USP32: variants seen among roughly 807,000 people sequenced by gnomAD.
USP32 encodes the protein ubiquitin specific peptidase 32.
USP32 carries 59 observed loss-of-function variants against 204.8 expected under a neutral mutation model. That is an observed-to-expected ratio of 0.29 (90% CI 0.23 to 0.36). The LOEUF is 0.36. USP32 is among the 10% of genes least tolerant of loss of function. The probability of loss-of-function intolerance (pLI) is 1.00; values close to 1 mark genes in which losing one functional copy is unlikely to be tolerated. For synonymous variants in USP32, 517 were observed against 678.4 expected (o/e 0.76, Z 3.70); for missense variants, 1,160 against 1,946.4 (o/e 0.60, Z 7.60).
intron 5 of USP32, among the ~76,000 whole-genome samples, chr17:60,276,584 A>G (rs776411334): frequency 1.3e-5 from 2 of 152,186 alleles, no homozygotes; most frequent in Non-Finnish European, 1.5e-5. Context: ...TCTTATTTCT[A>G]TACTTCTCAG....
intron 2 of USP32, among the ~76,000 whole-genome samples, chr17:60,325,920 T>G (rs2088222850): frequency 6.7e-6 from 1 of 149,556 alleles, no homozygotes; most frequent in African/African-American, 2.5e-5. Context: ...TTGCAGTGAG[T>G]TGAGATTAAG....
intron 1 of USP32, among the ~76,000 whole-genome samples, chr17:60,381,612 G>A (rs4107651): frequency 3.3e-4 from 50 of 152,188 alleles, no homozygotes; most frequent in African/African-American, 1.1e-3. Context: ...GAAGTCAGTC[G>A]TTTCAGCATG....
intron 12 of USP32, among the ~76,000 whole-genome samples, chr17:60,235,145 A>C (rs2085688333): frequency 6.6e-6 from 1 of 152,240 alleles, no homozygotes; most frequent in South Asian, 2.1e-4. Flanking sequence ...AATACATCCA[A>C]GACAAAACTA....
chr17:60,197,644 TTTGA>T (rs2084557279), intron 27 of USP32, among the ~76,000 whole-genome samples: 1 of 152,122 alleles, frequency 6.6e-6, no homozygotes, highest in Admixed American at 6.5e-5. Context: ...TGATCTACAA[TTTGA>T]TTGAGATAAA....
intron 9 of USP32, among the ~76,000 whole-genome samples, chr17:60,264,205 G>A (rs1415640933): frequency 1.3e-5 from 2 of 151,840 alleles, no homozygotes; most frequent in Admixed American, 1.3e-4. Flanking sequence ...ACACAGGAGA[G>A]GTCCTTACCA....
intron 1 of USP32, among the ~76,000 whole-genome samples, chr17:60,350,037 G>A (rs1296618700): frequency 1.1e-4 from 17 of 150,452 alleles, no homozygotes; most frequent in African/African-American, 3.2e-4. Flanking sequence ...ATTTTGAGAC[G>A]GGATCTCACT....
At chr17:60,230,658 C>T (rs1314737139) in intron 12 of USP32, among the ~76,000 whole-genome samples, 1 of 152,188 alleles carries the variant, frequency 6.6e-6, no homozygotes, top group African/African-American at 2.4e-5. Context: ...TTTTCTATTA[C>T]AGGAACCTGA....
intron 12 of USP32, among the ~76,000 whole-genome samples, chr17:60,231,814 A>AT (rs1197312257): frequency 2.0e-5 from 3 of 152,194 alleles, no homozygotes; most frequent in African/African-American, 2.4e-5. Context: ...CCCCATTTAC[A>AT]TTTTTTTAGG....
chr17:60,292,350 A>G (rs2087301030), intron 4 of USP32, among the ~76,000 whole-genome samples: 1 of 152,026 alleles, frequency 6.6e-6, no homozygotes, highest in South Asian at 2.1e-4. Context: ...TTACTCCTCA[A>G]CAACAGATTT....
rs763980774 is a variant in USP32, at chr17:60,301,695, A to G, written c.196T>C (p.Cys66Arg). 4 of 1,596,572 alleles carry G rather than the reference A, an allele frequency of 2.5e-6. No homozygotes were observed. The highest frequency in any genetic ancestry group is 2.6e-6 in the Non-Finnish European group (3 of 1,175,208). ...VPPKVAEVIY[C>R]SFGGTSKGLH... is the part of the protein sequence containing the mutation. ...CCTTTGGATGTTCCACCAAAAGAAC[A>G]GTAAATCACCTGGAAAAAGATGATA... The change falls in exon 3 of 34, where the codon TGT (cysteine) becomes CGT (arginine). Residue 66 changes from cysteine (C) to arginine (R), a missense_variant. Transcript: ENST00000300896.
chr17:60,319,040 G>A (rs973483774), intron 2 of USP32, among the ~76,000 whole-genome samples: 2 of 152,084 alleles, frequency 1.3e-5, no homozygotes, highest in African/African-American at 2.4e-5. Flanking sequence ...AATTTGAATC[G>A]GCAAATTCAT....
In USP32 at chr17:60,420,608, A is replaced by G. The variant is rs1292179202; in HGVS notation, c.106+1638T>C. Among the ~76,000 whole-genome samples the G allele has an allele frequency of 2.0e-5, 3 of 152,216 alleles. No homozygotes were observed. In the East Asian group the frequency reaches 5.8e-4, roughly 29 times the overall value. ...CTTGAACCCGAGAGGCGGAAGTTGC[A>G]GTGAGCCGAGATCACGCCATTGCTC... is the stretch of plus-strand genomic sequence containing the variant. On this transcript the variant is annotated intron_variant, in intron 1 of 3. Transcript: ENST00000588898.
intron 9 of USP32, among the ~76,000 whole-genome samples, chr17:60,256,155 TAGCAAGACACCATCTCTTTGAAAAAAAA>T (rs1286883826): frequency 6.6e-6 from 1 of 151,380 alleles, no homozygotes; most frequent in African/African-American, 2.4e-5. Flanking sequence ...CCTGGGCAAC[TAGCAAGACACCATCTCTTTGAAAAAAAA>T]AATAATAAAA....
In USP32 at chr17:60,265,450, T is replaced by C. The variant is rs2145765580; in HGVS notation, c.952A>G (p.Ile318Val). The C allele has an allele frequency of 6.2e-7, 1 of 1,605,280 alleles. No homozygotes were observed. Among genetic ancestry groups the C allele is most frequent in the Non-Finnish European group, 8.5e-7 (1 of 1,173,260 alleles). The change falls in exon 9 of 34, where the codon ATT becomes GTT. Residue 318 changes from isoleucine to valine, a missense_variant. By Grantham distance (29) the Ile-to-Val change is conservative. Transcript: ENST00000300896. ...IPELHMDLSDIVEGILNAHDT... is the reference protein window; with the variant it reads ...IPELHMDLSDVVEGILNAHDT... ...TGTGCATTCAGTATGCCTTCTACAA[T>C]ATCAGAGAGATCCATATGTAATTCC...
chr17:60,252,237 G>C, intron 11 of USP32, 144 bp downstream of exon 11: 2 of 659,126 alleles, frequency 3.0e-6, no homozygotes, highest in Non-Finnish European at 5.1e-6. Context: ...ATCTAGGAAG[G>C]TACTTTAACA....
At chr17:60,235,000 C>T (rs1185232257) in intron 12 of USP32, among the ~76,000 whole-genome samples, 2 of 152,160 alleles carry the variant, frequency 1.3e-5, no homozygotes, top group Non-Finnish European at 2.9e-5. Flanking sequence ...CCCCAAATTT[C>T]TTTAGTGCAC....
chr17:60,386,071 G>C (rs375463446), intron 1 of USP32, among the ~76,000 whole-genome samples: 2 of 151,596 alleles, frequency 1.3e-5, no homozygotes, highest in East Asian at 1.9e-4. Flanking sequence ...AACAATAAAG[G>C]AAACACTTGA....
intron 6 of USP32, among the ~76,000 whole-genome samples, chr17:60,270,259 G>C (rs749456034): frequency 5.3e-5 from 8 of 152,176 alleles, no homozygotes; most frequent in Non-Finnish European, 1.0e-4. Flanking sequence ...TGTTGAAGTA[G>C]GTAGAAACCC....
At chr17:60,276,561 C>T (rs75719858) in intron 5 of USP32, among the ~76,000 whole-genome samples, 35 of 152,118 alleles carry the variant, frequency 2.3e-4, no homozygotes, top group East Asian at 9.6e-4. Flanking sequence ...GCAGTCTTGA[C>T]GATAGAAACT....
Sources: gnomAD v4.1 joint callset for allele counts (sites outside exome capture counted in the v4.1 genomes callset) on GRCh38, gnomAD v4.1.1 for gene constraint, MANE v1.5 for transcripts, NCBI Gene and HGNC (gene_info 2026-07-23, HGNC 2026-07-21) for gene names.